TRIM66: variants seen among roughly 807,000 people sequenced by gnomAD.
The protein encoded by TRIM66 is tripartite motif-containing protein 66.
A neutral mutation model predicts 148.2 loss-of-function variants in TRIM66; 99 were observed. The observed-to-expected ratio is 0.67, with a 90% CI of 0.57 to 0.79. The LOEUF (loss-of-function observed/expected upper bound fraction) is 0.79. Among genes scored for constraint, TRIM66 ranks in the 30% least tolerant of loss-of-function variants. TRIM66 has a pLI of 0.00. For synonymous variants in TRIM66, 616 were observed against 635.9 expected, an observed-to-expected ratio of 0.97 and a Z score of 0.47; for missense variants, 1,666 against 1,697.9, an observed-to-expected ratio of 0.98 and a Z score of 0.33.
In TRIM66 at chr11:8,671,951, C is replaced by T; in HGVS notation, c.175G>A (p.Gly59Arg). ...GTCATTACCATGGCCTCCATCTGTC[C>T]ACTCTTAGGGCAGTGTTTCTGGCCA... The part of the protein sequence containing the change: ...LAGQKHCPKS[G>R]QMEAMVMTCS... The change falls in exon 6 of 25, where the codon GGA (glycine) becomes AGA (arginine). Residue 59 changes from glycine (G) to arginine (R), a missense_variant. Physicochemically the swap from Gly to Arg is moderately radical, Grantham distance 125 (BLOSUM62 -2). Around this residue, in one of 3 missense-constraint regions of TRIM66, gnomAD observed 1,431 missense variants for 1,412.4 expected, o/e 1.01. Transcript: ENST00000646038. 1 of 1,536,142 alleles carries T rather than the reference C, an allele frequency of 6.5e-7. No homozygotes were observed. Among genetic ancestry groups the T allele is most frequent in the Non-Finnish European group, 8.7e-7 (1 of 1,146,916 alleles).
intron 4 of TRIM66, among the ~76,000 whole-genome samples, 183 bp downstream of exon 4, chr11:8,674,623 G>A (rs2039090829): frequency 6.6e-6 from 1 of 152,006 alleles, no homozygotes; most frequent in South Asian, 2.1e-4. Flanking sequence ...CTGGACTCAA[G>A]CGATCCTCCA....
At chr11:8,638,857 C>G (rs1481007145) in intron 14 of TRIM66, 42 bp from the exon 15 acceptor site, 13 of 1,534,280 alleles carry the variant, frequency 8.5e-6, no homozygotes, top group Non-Finnish European at 1.1e-5. Flanking sequence ...TTACTGCAGA[C>G]AGCGTAGCAG....
At chr11:8,650,877 A>G (rs1414785466) in intron 7 of TRIM66, among the ~76,000 whole-genome samples, 1 of 152,202 alleles carries the variant, frequency 6.6e-6, no homozygotes, top group African/African-American at 2.4e-5. Context: ...GAAAGCCCAC[A>G]TATGGGAGTA....
chr11:8,650,290 T>C (rs149314734), intron 7 of TRIM66, among the ~76,000 whole-genome samples: 7 of 152,106 alleles, frequency 4.6e-5, no homozygotes, highest in Non-Finnish European at 8.8e-5. Flanking sequence ...GGAAGATCGC[T>C]TGAGCTCAGG....
chr11:8,622,365 C>CACACATAT lies in TRIM66; in HGVS notation c.3080+450_3080+451insATATGTGT. 2.0e-4 allele frequency among the ~76,000 whole-genome samples: 12 copies of CACACATAT among 59,614 alleles called. 1 individual carries two copies. Among genetic ancestry groups the CACACATAT allele is most frequent in the African/African-American group, 6.8e-4 (12 of 17,766 alleles). 39.1% of individuals were successfully genotyped at this position (59,614 alleles called of 152,430 possible). ...ACACACACACACACACACACACACA[C>CACACATAT]ATATATATATATATATATCTCCTAC... On this transcript the variant is annotated intron_variant, in intron 18 of 24. Coordinates refer to ENST00000646038, the MANE Select transcript of TRIM66 (RefSeq NM_001388022.1).
intron 21 of TRIM66, 35 bp downstream of exon 21, chr11:8,620,384 CCCTGTAGGCAGAAGGGGGCTGCCAAAG>C (rs1166319198): frequency 1.3e-6 from 2 of 1,544,798 alleles, no homozygotes; most frequent in African/African-American, 2.7e-5. Flanking sequence ...AGGCCTCAGA[CCCTGTAGGCAGAAGGGGGCTGCCAAAG>C]GCAGGGAACC....
In TRIM66 at chr11:8,671,997, G is replaced by A. The variant is rs1270690762; in HGVS notation, c.129C>T (p.Ser43=). The A allele has an allele frequency of 1.3e-6, 2 of 1,536,088 alleles. No homozygotes were observed. Among genetic ancestry groups the A allele is most frequent in the East Asian group, 4.9e-5 (2 of 40,924 alleles). Residue 43 remains serine (S), a synonymous_variant, in exon 6 of 25, where the codon AGC becomes AGT. Transcript: ENST00000646038. Reference sequence around the variant, plus strand: ...GGCCAGCTAGTGGCAGCCCCATAAAGCTCATGCCCATGTCCACAGCCATGC... The same window carrying A: ...GGCCAGCTAGTGGCAGCCCCATAAAACTCATGCCCATGTCCACAGCCATGC... ...GTGMAVDMGM[S]FMGLPLAGQK...
rs777591666 is a variant in TRIM66, at chr11:8,648,543, T to C, written c.598A>G (p.Asn200Asp). Residue 200 changes from asparagine (N) to aspartate (D), a missense_variant, in exon 9 of 25, where the codon AAT becomes GAT. Around this residue, in one of 3 missense-constraint regions of TRIM66, gnomAD observed 1,431 missense variants for 1,412.4 expected, o/e 1.01. Transcript: ENST00000646038. ...PRAQKGSPGVNGGPGDFTLYC... is the reference protein window; with the variant it reads ...PRAQKGSPGVDGGPGDFTLYC... ...AAGGTGAAGTCTCCGGGACCACCAT[T>C]CACTCCTGCCAGAGAAGACAGAGAA... 60 of 1,551,570 alleles carry C rather than the reference T, an allele frequency of 3.9e-5. No homozygotes were observed. The highest frequency in any genetic ancestry group is 4.9e-5 in the Non-Finnish European group (56 of 1,146,996).
intron 3 of TRIM66, chr11:8,677,993 G>T (rs561395353): frequency 1.3e-5 from 2 of 152,094 alleles, no homozygotes; most frequent in Non-Finnish European, 2.9e-5. Flanking sequence ...AAAAACTACC[G>T]ATAAAGGCAA....
intron 6 of TRIM66, among the ~76,000 whole-genome samples, chr11:8,668,920 A>G (rs575376160): frequency 3.3e-5 from 5 of 152,286 alleles, no homozygotes; most frequent in African/African-American, 1.2e-4. Flanking sequence ...AAACTTAGAC[A>G]TTGCAGATCT....
Position 8,621,744 on chromosome 11 carries a change from C to G in TRIM66, c.3156G>C (p.Glu1052Asp), listed in dbSNP as rs962846417. 40 of 1,551,570 alleles carry G rather than the reference C, an allele frequency of 2.6e-5. No homozygotes were observed. Among genetic ancestry groups the G allele is most frequent in the Non-Finnish European group, 3.4e-5 (39 of 1,147,004 alleles). Residue 1052 changes from glutamate (E) to aspartate (D), a missense_variant, in exon 19 of 25, where the codon GAG (glutamate) becomes GAC (aspartate). Transcript: ENST00000646038. The part of the protein sequence containing the change: ...RLKICAASSG[E>D]MPVFKLKPQK... Reference sequence around the variant, plus strand: ...GTGGCTTCAGTTTGAACACAGGCATCTCTCCTGAGGAGGCAGCACAGATCT... The same window carrying G: ...GTGGCTTCAGTTTGAACACAGGCATGTCTCCTGAGGAGGCAGCACAGATCT...
chr11:8,674,645 C>T (rs1002573204), intron 4 of TRIM66, among the ~76,000 whole-genome samples, 161 bp downstream of exon 4: 1 of 151,768 alleles, frequency 6.6e-6, no homozygotes, highest in African/African-American at 2.4e-5. Context: ...TTTGGCCGCC[C>T]GAAGTGCTGG....
intron 8 of TRIM66, among the ~76,000 whole-genome samples, chr11:8,649,077 G>A (rs549271848): frequency 1.3e-5 from 2 of 152,190 alleles, no homozygotes; most frequent in Non-Finnish European, 2.9e-5. Flanking sequence ...AGTGGCTCAC[G>A]CCTGTAATCG....
chr11:8,621,500 C>T, intron 19 of TRIM66, 145 bp downstream of exon 19: 4 of 1,289,116 alleles, frequency 3.1e-6, no homozygotes, highest in Non-Finnish European at 4.2e-6. Flanking sequence ...CTCACAGGAC[C>T]TTGCAGCAGG....
intron 15 of TRIM66, among the ~76,000 whole-genome samples, chr11:8,633,446 T>C (rs1192956320): frequency 6.6e-6 from 1 of 152,142 alleles, no homozygotes; most frequent in Non-Finnish European, 1.5e-5. Flanking sequence ...ACAAAAATCT[T>C]AGGTTTGGAT....
At chr11:8,671,645 C>G (rs1376305612) in intron 6 of TRIM66, 141 bp downstream of exon 6, 1 of 605,116 alleles carries the variant, frequency 1.7e-6, no homozygotes, top group African/African-American at 1.8e-5. Context: ...CTCACAGATT[C>G]CCCCAAAGAT....
At chr11:8,624,227 T>A in intron 17 of TRIM66, 132 bp downstream of exon 17, 1 of 1,043,964 alleles carries the variant, frequency 9.6e-7, no homozygotes, top group Non-Finnish European at 1.4e-6. Flanking sequence ...AGGAGAGAAG[T>A]AAATTCAGCC....
At chr11:8,669,854 T>C (rs1472239878) in intron 6 of TRIM66, among the ~76,000 whole-genome samples, 1 of 151,946 alleles carries the variant, frequency 6.6e-6, no homozygotes, top group Non-Finnish European at 1.5e-5. Flanking sequence ...ATCTCATTTA[T>C]TTCTTTTAAG....
rs1308284833 is a variant in TRIM66, at chr11:8,612,786, C to T, written c.*5158G>A. 2 of 152,488 alleles carry T rather than the reference C, an allele frequency of 1.3e-5. No individual in the cohort carries two copies. Among genetic ancestry groups the T allele is most frequent in the Non-Finnish European group, 2.9e-5 (2 of 68,240 alleles). 9.4% of individuals were successfully genotyped at this position (152,488 alleles called of 1,614,324 possible). A position where few individuals can be genotyped will look rare whatever the true frequency, so the allele number is the denominator to read the frequency against. On this transcript the variant is annotated 3_prime_UTR_variant, in exon 25 of 25. Coordinates refer to ENST00000646038, the MANE Select transcript of TRIM66 (RefSeq NM_001388022.1). The stretch of plus-strand genomic sequence containing the variant: ...CCTGCCAGGTTCTCCTCCTGGTTAG[C>T]AGCACTGACATGCACGGAAACACAT...
Sources: gnomAD v4.1 joint callset for allele counts (sites outside exome capture counted in the v4.1 genomes callset) on GRCh38, gnomAD v4.1.1 for gene constraint, gnomAD v4.1.1 regional missense constraint, MANE v1.5 for transcripts, NCBI Gene and HGNC (gene_info 2026-07-23, HGNC 2026-07-21) for gene names.